Variants in PPP4R4 observed in about 807,000 individuals in gnomAD.
PPP4R4 encodes serine/threonine-protein phosphatase 4 regulatory subunit 4.
In PPP4R4, 70 loss-of-function variants were observed where a neutral mutation model predicts 121.8. That is an observed-to-expected ratio of 0.57 (90% CI 0.47 to 0.70). The LOEUF is 0.70. Among genes scored for constraint, PPP4R4 ranks in the 30% least tolerant of loss-of-function variants. The probability of loss-of-function intolerance (pLI) is 0.00; values close to 1 mark genes in which losing one functional copy is unlikely to be tolerated. For synonymous variants in PPP4R4, 348 were observed against 355.7 expected (o/e 0.98, Z 0.24); for missense variants, 875 against 1,033.6 (o/e 0.85, Z 2.10).
intron 2 of PPP4R4, among the ~76,000 whole-genome samples, chr14:94,197,070 G>A (rs1889913436): frequency 6.6e-6 from 1 of 151,856 alleles, no homozygotes; most frequent in Non-Finnish European, 1.5e-5. Flanking sequence ...TATAGTGTTC[G>A]AATTAGGATA....
intron 3 of PPP4R4, among the ~76,000 whole-genome samples, chr14:94,220,220 CATAA>C (rs553352386): frequency 2.0e-5 from 3 of 152,040 alleles, no homozygotes; most frequent in East Asian, 3.9e-4. Flanking sequence ...GACTCCATCT[CATAA>C]ATAAATAAAT....
chr14:94,238,764 A>C (rs1056297609), intron 8 of PPP4R4, among the ~76,000 whole-genome samples: 2 of 152,222 alleles, frequency 1.3e-5, no homozygotes, highest in African/African-American at 4.8e-5. Context: ...TTGGATTACC[A>C]ACATTTTATC....
In PPP4R4 at chr14:94,198,072, G is replaced by A. The variant is rs1889979823; in HGVS notation, c.192-10392G>A. 2.0e-5 allele frequency among the ~76,000 whole-genome samples: 3 copies of A among 152,124 alleles called. No individual in the cohort carries two copies. In the South Asian group the frequency reaches 6.2e-4, roughly 32 times the overall value. ...AAATGTCTAAGTATGGAATATCTGG[G>A]TGGTTTGGTAGGTGTATGTGTATCC... On this transcript the variant is annotated intron_variant, in intron 2 of 24. Transcript: ENST00000304338.
At chr14:94,245,301 T>G (rs1892834789) in intron 12 of PPP4R4, among the ~76,000 whole-genome samples, 1 of 152,162 alleles carries the variant, frequency 6.6e-6, no homozygotes, top group Admixed American at 6.5e-5. Flanking sequence ...TTGGAGGCAG[T>G]TTTTGAACAT....
chr14:94,208,809 T>TAAA (rs1555449183), intron 3 of PPP4R4, among the ~76,000 whole-genome samples: 2 of 152,072 alleles, frequency 1.3e-5, no homozygotes, highest in Non-Finnish European at 2.9e-5. Flanking sequence ...AGAGACATTT[T>TAAA]ACTAAAGGTA....
In PPP4R4 at chr14:94,250,277, C is replaced by A; in HGVS notation, c.1717C>A (p.Gln573Lys). The A allele has an allele frequency of 1.3e-6, 2 of 1,575,460 alleles. No individual in the cohort carries two copies. The highest frequency in any genetic ancestry group is 1.7e-6 in the Non-Finnish European group (2 of 1,146,146). ...TGAGGTCATTCAAAAATTAATTGAA[C>A]GTAAGTAATCATTGTCTACTATTTT... ...RHEVIQKLIEQLGQGKSYWNR... is the reference protein window; with the variant it reads ...RHEVIQKLIEKLGQGKSYWNR... Residue 573 changes from glutamine (Q) to lysine (K), a missense_variant and splice_region_variant, in exon 15 of 25, where the codon CAA (glutamine) becomes AAA (lysine). Coordinates refer to ENST00000304338, the MANE Select transcript of PPP4R4 (RefSeq NM_058237.2).
chr14:94,229,696 A>G (rs990458602), intron 3 of PPP4R4, among the ~76,000 whole-genome samples: 14 of 100,442 alleles, frequency 1.4e-4, no homozygotes, highest in African/African-American at 1.1e-3. Context: ...GATCACTGAT[A>G]TGAAACTATT....
At chr14:94,234,329 G>A (rs1423828148) in intron 6 of PPP4R4, among the ~76,000 whole-genome samples, 1 of 152,132 alleles carries the variant, frequency 6.6e-6, no homozygotes, top group Non-Finnish European at 1.5e-5. Context: ...CATTTCAACT[G>A]CCAATCCAAA....
At chr14:94,196,321 T>C (rs1247787652) in intron 2 of PPP4R4, among the ~76,000 whole-genome samples, 2 of 145,274 alleles carry the variant, frequency 1.4e-5, no homozygotes, top group African/African-American at 5.1e-5. Flanking sequence ...TTTTTTTTTT[T>C]TTTTTTTTGG....
At chr14:94,198,780 A>G (rs1368851930) in intron 2 of PPP4R4, among the ~76,000 whole-genome samples, 1 of 152,218 alleles carries the variant, frequency 6.6e-6, no homozygotes, top group Admixed American at 6.5e-5. Flanking sequence ...TGAAAAGATT[A>G]TCATCTCCTC....
chr14:94,274,263 C>A (rs1894512150), intron 23 of PPP4R4, among the ~76,000 whole-genome samples: 1 of 151,800 alleles, frequency 6.6e-6, no homozygotes, highest in African/African-American at 2.4e-5. Flanking sequence ...TTTATCTTGA[C>A]CATAAAACAA....
rs1486562800 is a variant in PPP4R4 at position 94,234,599 on chromosome 14, T to C, written c.661T>C (p.Cys221Arg). 1 of 1,608,974 alleles carries C rather than the reference T, an allele frequency of 6.2e-7. No individual in the cohort carries two copies. Among genetic ancestry groups the C allele is most frequent in the Admixed American group, 1.7e-5 (1 of 59,840 alleles). ...REILPLVKSL[C>R]QDVEYEVRSC... ...AATACTTCCTCTGGTAAAATCACTCTGTCAAGATGTAGAATATGAAGTTCG... is the reference window on the plus strand; with the variant it reads ...AATACTTCCTCTGGTAAAATCACTCCGTCAAGATGTAGAATATGAAGTTCG... The change falls in exon 7 of 25, where the codon TGT (cysteine) becomes CGT (arginine). Residue 221 changes from cysteine (C) to arginine (R), a missense_variant. By Grantham distance (180) the Cys-to-Arg change is radical (BLOSUM62 -3). Coordinates refer to ENST00000304338, the MANE Select transcript of PPP4R4 (RefSeq NM_058237.2).
chr14:94,208,161 A>T (rs1890561607), intron 2 of PPP4R4, among the ~76,000 whole-genome samples: 2 of 152,166 alleles, frequency 1.3e-5, no homozygotes, highest in Non-Finnish European at 2.9e-5. Context: ...GGTAGAATTA[A>T]AAAATATGTA....
chr14:94,252,450 A>G (rs1480038268), intron 16 of PPP4R4, among the ~76,000 whole-genome samples: 1 of 152,204 alleles, frequency 6.6e-6, no homozygotes, highest in Non-Finnish European at 1.5e-5. Flanking sequence ...GGAAAAAAAT[A>G]ATAAATATAT....
At chr14:94,206,275 A>G (rs1481688019) in intron 2 of PPP4R4, among the ~76,000 whole-genome samples, 1 of 151,744 alleles carries the variant, frequency 6.6e-6, no homozygotes, top group Non-Finnish European at 1.5e-5. Context: ...ATACTCATAT[A>G]GCCACTCCTG....
intron 23 of PPP4R4, among the ~76,000 whole-genome samples, chr14:94,268,954 T>C (rs1229514381): frequency 6.6e-6 from 1 of 152,164 alleles, no homozygotes; most frequent in Non-Finnish European, 1.5e-5. Context: ...ATATTCTATT[T>C]TAATGTCTCA....
intron 2 of PPP4R4, among the ~76,000 whole-genome samples, chr14:94,191,383 T>G (rs1465739098): frequency 6.6e-6 from 1 of 152,094 alleles, no homozygotes; most frequent in African/African-American, 2.4e-5. Flanking sequence ...CATGTAGTAA[T>G]TGTATGTATT....
intron 3 of PPP4R4, among the ~76,000 whole-genome samples, chr14:94,211,675 G>T (rs1890748192): frequency 6.6e-6 from 1 of 152,156 alleles, no homozygotes; most frequent in Non-Finnish European, 1.5e-5. Flanking sequence ...ATTTCACAGT[G>T]ATCATTTTGG....
chr14:94,218,965 C>A (rs1030961880), intron 3 of PPP4R4, among the ~76,000 whole-genome samples: 1 of 151,660 alleles, frequency 6.6e-6, no homozygotes, highest in East Asian at 1.9e-4. Context: ...AAATACCTTT[C>A]CAGGATGAAG....
Sources: gnomAD v4.1 joint callset for allele counts (sites outside exome capture counted in the v4.1 genomes callset) on GRCh38, gnomAD v4.1.1 for gene constraint, MANE v1.5 for transcripts, NCBI Gene and HGNC (gene_info 2026-07-23, HGNC 2026-07-21) for gene names.